SHANK2: variants seen among roughly 807,000 people sequenced by gnomAD.
SHANK2 encodes SH3 and multiple ankyrin repeat domains 2.
Under a neutral mutation model 133.7 loss-of-function variants are expected in SHANK2, and 43 were observed. The ratio of observed to expected loss-of-function variants is 0.32; its 90% CI spans 0.25 to 0.41. The LOEUF is 0.41. SHANK2 is among the 10% of genes least tolerant of loss of function. The pLI is 1.00. For missense variants in SHANK2, 1,994 were observed against 2,235.8 expected (o/e 0.89, Z 2.18); for synonymous variants, 1,017 against 952.8 (o/e 1.07, Z -1.24).
intron 13 of SHANK2, among the ~76,000 whole-genome samples, chr11:70,805,189 C>T (rs1174691234): frequency 4.6e-5 from 7 of 152,168 alleles, no homozygotes; most frequent in African/African-American, 1.7e-4. Flanking sequence ...TCTCCTTGGG[C>T]ATCAGTGAGC....
chr11:70,823,044 G>A (rs1948563305), intron 11 of SHANK2, among the ~76,000 whole-genome samples: 1 of 122,368 alleles, frequency 8.2e-6, no homozygotes, highest in Admixed American at 8.1e-5. Context: ...CGTTGGCAGA[G>A]CCCACGGGGG....
rs1199402106 is a variant in SHANK2, at chr11:70,820,538, G to A, written c.1319C>T (p.Thr440Ile). The A allele has an allele frequency of 1.4e-6, 1 of 716,978 alleles. No individual in the cohort carries two copies. The highest frequency in any genetic ancestry group is 2.0e-5 in the Admixed American group (1 of 49,982). The allele number at this position is 716,978 out of a possible 1,614,324, so 44.4% of individuals were successfully genotyped here. The change falls in exon 12 of 26, where the codon ACC becomes ATC. Residue 440 changes from threonine (T) to isoleucine (I), a missense_variant. Physicochemically the swap from Thr to Ile is moderately conservative, Grantham distance 89 (BLOSUM62 -1). Coordinates refer to ENST00000601538, the MANE Select transcript of SHANK2 (RefSeq NM_012309.5). ...APDWAVCSTATSHRSLSPQLL... is the reference protein window; with the variant it reads ...APDWAVCSTAISHRSLSPQLL... ...CTGGGGTGACAGGCTGCGGTGCGAG[G>A]TGGCCGTGGAGCAGACGGCCCAGTC...
intron 14 of SHANK2, among the ~76,000 whole-genome samples, chr11:70,720,006 G>A (rs782164347): frequency 2.0e-5 from 3 of 152,090 alleles, no homozygotes; most frequent in Admixed American, 2.0e-4. Context: ...GTGACCCCAG[G>A]CAGGTTCCTC....
intron 9 of SHANK2, among the ~76,000 whole-genome samples, chr11:71,064,473 T>A (rs907285368): frequency 6.6e-6 from 1 of 151,474 alleles, no homozygotes; most frequent in Non-Finnish European, 1.5e-5. Flanking sequence ...CTGGGCTGGA[T>A]AGGAGAGAAG....
At chr11:70,844,481 C>T (rs1389117024) in intron 11 of SHANK2, among the ~76,000 whole-genome samples, 1 of 152,160 alleles carries the variant, frequency 6.6e-6, no homozygotes, top group Non-Finnish European at 1.5e-5. Flanking sequence ...CTCACTGGAA[C>T]CATGGGGTTT....
At chr11:70,702,793 A>C (rs1555024070) in intron 14 of SHANK2, among the ~76,000 whole-genome samples, 1 of 152,232 alleles carries the variant, frequency 6.6e-6, no homozygotes, top group East Asian at 1.9e-4. Context: ...GCAGAGTGCA[A>C]TGATAAGGGA....
intron 14 of SHANK2, among the ~76,000 whole-genome samples, chr11:70,729,686 G>A (rs989003887): frequency 1.6e-4 from 24 of 151,316 alleles, no homozygotes; most frequent in Non-Finnish European, 2.5e-4. Context: ...TACCACACCC[G>A]GCTAATTTTT....
chr11:70,740,510 A>G (rs1321781750), intron 14 of SHANK2, among the ~76,000 whole-genome samples: 2 of 152,092 alleles, frequency 1.3e-5, no homozygotes, highest in African/African-American at 4.8e-5. Context: ...CCTCGGTTGT[A>G]AACAGGGAGT....
At chr11:70,856,798 G>C (rs1271309374) in intron 11 of SHANK2, among the ~76,000 whole-genome samples, 1 of 152,126 alleles carries the variant, frequency 6.6e-6, no homozygotes, top group Admixed American at 6.5e-5. Flanking sequence ...TCAATAAGCA[G>C]GTGGGACAGC....
chr11:70,664,117 C>T (rs775253716), intron 15 of SHANK2, among the ~76,000 whole-genome samples: 1 of 152,208 alleles, frequency 6.6e-6, no homozygotes, highest in African/African-American at 2.4e-5. Context: ...TGGGGCTCTA[C>T]TGCCATGGAT....
chr11:71,218,261 CTTTTTTT>C (rs71049964), intron 2 of SHANK2, among the ~76,000 whole-genome samples: 2 of 72,522 alleles, frequency 2.8e-5, no homozygotes, highest in East Asian at 3.6e-4. Context: ...TTTTCTTTTT[CTTTTTTT>C]TTTTTTTTTT....
intron 15 of SHANK2, among the ~76,000 whole-genome samples, chr11:70,679,306 TG>T (rs1455689232): frequency 6.6e-6 from 1 of 152,178 alleles, no homozygotes; most frequent in Non-Finnish European, 1.5e-5. Context: ...GTCACACAGC[TG>T]GCAAATGGCG....
At chr11:70,802,969 C>T (rs182383912) in intron 13 of SHANK2, among the ~76,000 whole-genome samples, 4 of 152,270 alleles carry the variant, frequency 2.6e-5, no homozygotes, top group Admixed American at 6.5e-5. Context: ...CACTGTGCTA[C>T]GTGCTGCATC....
chr11:71,220,194 C>T (rs1954507177), intron 2 of SHANK2, among the ~76,000 whole-genome samples: 1 of 152,162 alleles, frequency 6.6e-6, no homozygotes, highest in Non-Finnish European at 1.5e-5. Flanking sequence ...CTTACTGTGC[C>T]ACTGCAATCC....
chr11:70,844,395 C>T (rs191205762), intron 11 of SHANK2, among the ~76,000 whole-genome samples: 151 of 152,328 alleles, frequency 9.9e-4, no homozygotes, highest in Non-Finnish European at 1.6e-3. Flanking sequence ...TAAATCCTTA[C>T]TCCAGCCTTC....
At chr11:71,195,379 G>A (rs7113905) in intron 2 of SHANK2, among the ~76,000 whole-genome samples, 67 of 151,202 alleles carry the variant, frequency 4.4e-4, no homozygotes, top group Middle Eastern at 3.4e-3. Context: ...GTGACAGAGC[G>A]AGACTCCGTC....
At chr11:70,942,519 C>A (rs1950661940) in intron 10 of SHANK2, 2 of 456,554 alleles carry the variant, frequency 4.4e-6, no homozygotes, top group Admixed American at 4.7e-5. Context: ...CTAGGTCCCA[C>A]CTCCCAACAC....
In SHANK2 at chr11:70,857,316, G is replaced by C. The variant is rs188139204; in HGVS notation, c.1175-36634C>G. ...AGGAATCAAATTGGATAATGCACAG[G>C]ACTTAGCACCCAGTAAATACTCAAT... On this transcript the variant is annotated intron_variant, in intron 11 of 25. Coordinates refer to ENST00000601538, the MANE Select transcript of SHANK2 (RefSeq NM_012309.5). Among the ~76,000 whole-genome samples the C allele has an allele frequency of 1.0e-3, 158 of 152,254 alleles. 1 individual carries two copies. Among genetic ancestry groups the C allele is most frequent in the East Asian group, 6.0e-3 (31 of 5,162 alleles).
chr11:71,168,810 G>GGGGAGAGGGAGA (rs57598046), intron 2 of SHANK2, among the ~76,000 whole-genome samples: 6 of 150,258 alleles, frequency 4.0e-5, no homozygotes, highest in East Asian at 2.0e-4. Context: ...GGGAGACCAT[G>GGGGAGAGGGAGA]GGGAGAGGGA....
Sources: allele counts gnomAD v4.1 joint callset (sites outside exome capture counted in the v4.1 genomes callset), GRCh38; gene constraint gnomAD v4.1.1; transcripts MANE v1.5; gene names NCBI Gene and HGNC (gene_info 2026-07-23, HGNC 2026-07-21).